TGIF2: variants seen among roughly 807,000 people sequenced by gnomAD.
The protein encoded by TGIF2 is TGFB induced factor homeobox 2, also known as homeobox protein TGIF2.
A neutral mutation model predicts 15.1 loss-of-function variants in TGIF2; 5 were observed. The ratio of observed to expected loss-of-function variants is 0.33; its 90% CI spans 0.17 to 0.70. TGIF2 has a LOEUF of 0.70. Ranked by LOEUF, TGIF2 falls within the 30% of genes least tolerant of loss-of-function variation. The pLI is 0.67. For missense variants in TGIF2, 264 were observed against 302.5 expected (o/e 0.87, Z 0.94); for synonymous variants, 131 against 128.9 (o/e 1.02, Z -0.11).
At chr20:36,584,667 C>A (rs1442674119) in intron 2 of TGIF2, among the ~76,000 whole-genome samples, 1 of 151,924 alleles carries the variant, frequency 6.6e-6, no homozygotes, top group African/African-American at 2.4e-5. Flanking sequence ...CTGCCCCAGC[C>A]TCCCGAGTAG....
At chr20:36,574,029 G>C (rs1010181948) in intron 1 of TGIF2, among the ~76,000 whole-genome samples, 2 of 151,298 alleles carry the variant, frequency 1.3e-5, no homozygotes, top group African/African-American at 4.9e-5. Context: ...CCCACCCCAG[G>C]AGAGGGCCGA....
intron 1 of TGIF2, among the ~76,000 whole-genome samples, chr20:36,576,614 A>G (rs1463147642): frequency 6.6e-6 from 1 of 152,158 alleles, no homozygotes; most frequent in Non-Finnish European, 1.5e-5. Flanking sequence ...TTATTGAGAT[A>G]TAACTCACAT....
upstream of TGIF2, chr20:36,573,530 T>C (rs1232087965): frequency 6.6e-6 from 1 of 151,168 alleles, no homozygotes; most frequent in Non-Finnish European, 1.5e-5. Flanking sequence ...ACAAAGTTTG[T>C]TTTCTCCCTC....
At chr20:36,585,918 G>T (rs145065962) in intron 2 of TGIF2, among the ~76,000 whole-genome samples, 33 of 152,274 alleles carry the variant, frequency 2.2e-4, no homozygotes, top group African/African-American at 7.7e-4. Flanking sequence ...CTTCCTGGCT[G>T]TCAGGACTCC....
In TGIF2 at chr20:36,591,533, T is replaced by G; in HGVS notation, c.*102T>G. ...GTTTTCTATGGATCACTGCCAAACA[T>G]TGGGATCATCTCCTCTGTCCAGAGG... On this transcript the variant is annotated 3_prime_UTR_variant, in exon 3 of 3. Coordinates refer to ENST00000373872, the MANE Select transcript of TGIF2 (RefSeq NM_021809.7). This position sits in a 1 kb window ranked among gnomAD's most constrained non-coding sequence, Gnocchi z 5.3. The G allele has an allele frequency of 7.6e-7, 1 of 1,312,502 alleles. No individual in the cohort carries two copies. The highest frequency in any genetic ancestry group is 1.0e-6 in the Non-Finnish European group (1 of 952,770). 81.3% of individuals were successfully genotyped at this position (1,312,502 alleles called of 1,614,324 possible). A position where few individuals can be genotyped will look rare whatever the true frequency, so the allele number is the denominator to read the frequency against.
Position 36,574,551 on chromosome 20 carries a change from G to C in TGIF2, c.-35+806G>C, listed in dbSNP as rs992548334. On this transcript the variant is annotated intron_variant, in intron 1 of 2. Coordinates refer to ENST00000373872, the MANE Select transcript of TGIF2 (RefSeq NM_021809.7). Reference sequence around the variant, plus strand: ...CAAAGCCGAGCGCGCACGCTCCGCCGTCCCCGCGCCCCGAAGAGTCGGCCA... The same window carrying C: ...CAAAGCCGAGCGCGCACGCTCCGCCCTCCCCGCGCCCCGAAGAGTCGGCCA... 3.3e-5 allele frequency: 5 copies of C among 151,196 alleles called. No homozygotes were observed. The South Asian group carries it at 6.3e-4, about 19-fold the overall frequency. 9.4% of individuals were successfully genotyped at this position (151,196 alleles called of 1,614,324 possible). A position where few individuals can be genotyped will look rare whatever the true frequency, so the allele number is the denominator to read the frequency against.
upstream of TGIF2, chr20:36,573,486 CCGCGGGGGGTGGGCGCAGCTCGTCG>C (rs1373277070): frequency 1.3e-5 from 2 of 151,508 alleles, no homozygotes; most frequent in Non-Finnish European, 2.9e-5. Context: ...ACGGCCCGCC[CCGCGGGGGGTGGGCGCAGCTCGTCG>C]CGCTCCGCAC....
intron 2 of TGIF2, among the ~76,000 whole-genome samples, chr20:36,589,848 C>G (rs1205199614): frequency 6.6e-6 from 1 of 152,038 alleles, no homozygotes; most frequent in Non-Finnish European, 1.5e-5. Context: ...ACCACCATAC[C>G]CAGCTAATTT....
At chr20:36,585,205 AAAG>A (rs2038629611) in intron 2 of TGIF2, among the ~76,000 whole-genome samples, 1 of 151,938 alleles carries the variant, frequency 6.6e-6, no homozygotes, top group Non-Finnish European at 1.5e-5. Context: ...TCTCAAAAAA[AAAG>A]AGAAAAAAGC....
intron 1 of TGIF2, chr20:36,574,591 G>C (rs2038381347): frequency 6.6e-6 from 1 of 152,304 alleles, no homozygotes; most frequent in Non-Finnish European, 1.5e-5. Flanking sequence ...CGAACTGCCG[G>C]AGTAGGGGTG....
In TGIF2 at chr20:36,593,077, T is replaced by C. The variant is rs1324212241; in HGVS notation, c.*1646T>C. ...ACGCCCAGCCTCTTTTGCTGTTTCA[T>C]TGCTGACAGTGTTCAACAATATGCC... On this transcript the variant is annotated 3_prime_UTR_variant, in exon 3 of 3. Transcript: ENST00000373872. 6.6e-6 allele frequency: 1 copy of C among 152,586 alleles called. No individual in the cohort carries two copies. Among genetic ancestry groups the C allele is most frequent in the African/African-American group, 2.4e-5 (1 of 41,434 alleles). The allele number at this position is 152,586 out of a possible 1,614,324, so 9.5% of individuals were successfully genotyped here.
At chr20:36,576,519 C>T (rs1469639621) in intron 1 of TGIF2, among the ~76,000 whole-genome samples, 2 of 152,104 alleles carry the variant, frequency 1.3e-5, no homozygotes, top group Admixed American at 6.5e-5. Context: ...CAGTATACAG[C>T]TCACAAGAGG....
chr20:36,576,104 A>AT (rs2038424192), intron 1 of TGIF2, among the ~76,000 whole-genome samples: 1 of 148,196 alleles, frequency 6.7e-6, no homozygotes, highest in Admixed American at 6.6e-5. Context: ...AAAAAAAAAA[A>AT]GAAAGAAAGA....
chr20:36,589,117 C>A (rs1328022755), intron 2 of TGIF2, among the ~76,000 whole-genome samples: 1 of 152,200 alleles, frequency 6.6e-6, no homozygotes, highest in Non-Finnish European at 1.5e-5. Flanking sequence ...TCTCAGCCTT[C>A]CAGAACCCTT....
At chr20:36,575,832 C>T (rs2038416370) in intron 1 of TGIF2, among the ~76,000 whole-genome samples, 1 of 152,088 alleles carries the variant, frequency 6.6e-6, no homozygotes, top group Non-Finnish European at 1.5e-5. Context: ...GTGGCTCACA[C>T]CTGTAATCCC....
intron 2 of TGIF2, among the ~76,000 whole-genome samples, chr20:36,588,275 C>T (rs903007211): frequency 9.4e-5 from 14 of 149,406 alleles, no homozygotes; most frequent in Non-Finnish European, 1.6e-4. Context: ...AGTGAGGTGG[C>T]TGGCATGATA....
At chr20:36,578,619 T>C in intron 1 of TGIF2, 122 bp from the exon 2 acceptor site, 1 of 1,114,602 alleles carries the variant, frequency 9.0e-7, no homozygotes, top group Non-Finnish European at 1.2e-6. Context: ...CGGCCTGAGA[T>C]TCTGAATTGC....
intron 2 of TGIF2, among the ~76,000 whole-genome samples, chr20:36,583,846 G>A (rs901109657): frequency 8.5e-5 from 13 of 152,056 alleles, no homozygotes; most frequent in East Asian, 1.9e-4. Context: ...GGAATGAGCC[G>A]AGACTGAGCC....
chr20:36,579,648 T>C (rs73620203), intron 2 of TGIF2, among the ~76,000 whole-genome samples: 19,080 of 152,086 alleles, frequency 0.13, 1,531 homozygotes, highest in Admixed American at 0.27. Context: ...TAATTTGCAG[T>C]GTGGTTAAGA....
Sources: allele counts gnomAD v4.1 joint callset (sites outside exome capture counted in the v4.1 genomes callset), GRCh38; gene constraint gnomAD v4.1.1; non-coding constraint Gnocchi (gnomAD v3.1); transcripts MANE v1.5; gene names NCBI Gene and HGNC (gene_info 2026-07-23, HGNC 2026-07-21).